LGSN: variants seen among roughly 807,000 people sequenced by gnomAD.
LGSN encodes the protein lengsin.
Under a neutral mutation model 19.5 loss-of-function variants are expected in LGSN, and 21 were observed. The ratio of observed to expected loss-of-function variants is 1.07; its 90% CI spans 0.76 to 1.55. LGSN has a LOEUF of 1.55. Ranked by LOEUF, LGSN falls within the 40% of genes most tolerant of loss-of-function variation. The probability of loss-of-function intolerance (pLI) is 0.00; values close to 1 mark genes in which losing one functional copy is unlikely to be tolerated. For missense variants in LGSN, 673 were observed against 608.5 expected, an observed-to-expected ratio of 1.11 and a Z score of -1.12; for synonymous variants, 257 against 215.6, an observed-to-expected ratio of 1.19 and a Z score of -1.68.
At chr6:63,283,447 T>C (rs913578950) in intron 3 of LGSN, among the ~76,000 whole-genome samples, 2 of 152,104 alleles carry the variant, frequency 1.3e-5, no homozygotes, top group African/African-American at 4.8e-5. Flanking sequence ...TAGCAATATA[T>C]CATAATTTGG....
At chr6:63,561,209 C>T in the LGSN span, among the ~76,000 whole-genome samples, 1 of 152,122 alleles carries the variant, frequency 6.6e-6, no homozygotes, top group African/African-American at 2.4e-5. Flanking sequence ...AATTTGAATT[C>T]CAGCTGCATC....
chr6:63,403,293 G>A, the LGSN span, among the ~76,000 whole-genome samples: 1 of 152,148 alleles, frequency 6.6e-6, no homozygotes, highest in African/African-American at 2.4e-5. Context: ...CTAAGGTCAG[G>A]AGGATGTAAT....
chr6:63,380,634 G>A, the LGSN span, among the ~76,000 whole-genome samples: 1 of 151,976 alleles, frequency 6.6e-6, no homozygotes, highest in African/African-American at 2.4e-5. Flanking sequence ...TTGCAGGTTA[G>A]CCAACAGGAT....
the LGSN span, among the ~76,000 whole-genome samples, chr6:63,560,093 C>T: frequency 1.3e-5 from 2 of 152,056 alleles, no homozygotes; most frequent in African/African-American, 4.8e-5. Flanking sequence ...TCATCATTTA[C>T]AATAGTGCCT....
the LGSN span, among the ~76,000 whole-genome samples, chr6:63,399,388 G>A: frequency 1.3e-5 from 2 of 148,896 alleles, no homozygotes; most frequent in African/African-American, 2.5e-5. Context: ...ACACACAACA[G>A]TACTAATTTT....
chr6:63,474,738 A>G, the LGSN span, among the ~76,000 whole-genome samples: 7 of 151,150 alleles, frequency 4.6e-5, no homozygotes, highest in Non-Finnish European at 1.0e-4. Flanking sequence ...CCTGGCCTAC[A>G]TGGTGAAACC....
At chr6:63,529,214 T>TGTGTGTATATA in the LGSN span, among the ~76,000 whole-genome samples, 6 of 149,230 alleles carry the variant, frequency 4.0e-5, no homozygotes, top group African/African-American at 1.5e-4. Flanking sequence ...TGTATATATA[T>TGTGTGTATATA]TTGCTAATAA....
At chr6:63,339,573 C>T in the LGSN span, among the ~76,000 whole-genome samples, 515 of 152,188 alleles carry the variant, frequency 3.4e-3, 3 homozygotes, top group African/African-American at 0.012. Context: ...TCTTCACAGG[C>T]GAAGTGAGTT....
intron 2 of LGSN, among the ~76,000 whole-genome samples, chr6:63,287,035 T>C (rs1330664614): frequency 1.3e-5 from 2 of 152,234 alleles, no homozygotes; most frequent in Non-Finnish European, 2.9e-5. Context: ...GCAGCTATAA[T>C]TTTAAAGTGA....
the LGSN span, among the ~76,000 whole-genome samples, chr6:63,555,379 A>C: frequency 6.6e-6 from 1 of 152,224 alleles, no homozygotes; most frequent in South Asian, 2.1e-4. Context: ...GATTAGATCT[A>C]GACTAATAGG....
chr6:63,469,354 A>T, the LGSN span, among the ~76,000 whole-genome samples: 6,883 of 152,248 alleles, frequency 0.045, 530 homozygotes, highest in African/African-American at 0.16. Context: ...ATCAGGCAGG[A>T]AATGTTCTGC....
the LGSN span, among the ~76,000 whole-genome samples, chr6:63,520,722 T>C: frequency 6.6e-6 from 1 of 152,252 alleles, no homozygotes; most frequent in Middle Eastern, 3.4e-3. Context: ...TTGTTCACCT[T>C]ATAAATCTGT....
the LGSN span, among the ~76,000 whole-genome samples, chr6:63,425,298 C>G: frequency 6.6e-6 from 1 of 152,160 alleles, no homozygotes; most frequent in Non-Finnish European, 1.5e-5. Context: ...GACCAATGTT[C>G]ATGCAAAAAC....
At chr6:63,571,169 G>GT in the LGSN span, 2 of 151,844 alleles carry the variant, frequency 1.3e-5, no homozygotes, top group African/African-American at 2.4e-5. Context: ...GTTTGTTTTT[G>GT]TTTTTTTAAA....
At chr6:63,518,977 A>G in the LGSN span, among the ~76,000 whole-genome samples, 2 of 152,330 alleles carry the variant, frequency 1.3e-5, no homozygotes, top group African/African-American at 4.8e-5. Context: ...CCATATTAAT[A>G]TCACTGTAGT....
chr6:63,457,382 G>A, the LGSN span, among the ~76,000 whole-genome samples: 1 of 152,088 alleles, frequency 6.6e-6, no homozygotes, highest in Non-Finnish European at 1.5e-5. Flanking sequence ...GCACATGCCT[G>A]TAGTCCCAGC....
At chr6:63,504,211 A>T in the LGSN span, among the ~76,000 whole-genome samples, 11 of 148,736 alleles carry the variant, frequency 7.4e-5, no homozygotes, top group East Asian at 2.2e-3. Flanking sequence ...ATCTCGGCTC[A>T]CTGAAGCCTC....
At chr6:63,298,190 G>A (rs1173657868) in intron 1 of LGSN, among the ~76,000 whole-genome samples, 2 of 152,162 alleles carry the variant, frequency 1.3e-5, no homozygotes, top group Non-Finnish European at 2.9e-5. Context: ...GATTAAGCAA[G>A]GTACACCAGC....
the LGSN span, among the ~76,000 whole-genome samples, chr6:63,514,222 CT>C: frequency 3.3e-5 from 5 of 151,734 alleles, no homozygotes; most frequent in Non-Finnish European, 7.4e-5. Flanking sequence ...TTCCCTTTGG[CT>C]TTTTTTTGTT....
Sources: gnomAD v4.1 joint callset for allele counts (sites outside exome capture counted in the v4.1 genomes callset) on GRCh38, gnomAD v4.1.1 for gene constraint, MANE v1.5 for transcripts, NCBI Gene and HGNC (gene_info 2026-07-23, HGNC 2026-07-21) for gene names.